The following SOX5 variants were observed in gnomAD, a reference collection of about 807,000 sequenced individuals.
The protein encoded by SOX5 is transcription factor SOX-5.
A neutral mutation model predicts 92.0 loss-of-function variants in SOX5; 9 were observed. The observed-to-expected ratio is 0.10, with a 90% CI of 0.06 to 0.17. The LOEUF is 0.17. Ranked by LOEUF, SOX5 falls within the 10% of genes least tolerant of loss-of-function variation. The probability of loss-of-function intolerance (pLI) is 1.00; values close to 1 mark genes in which losing one functional copy is unlikely to be tolerated. For missense variants in SOX5, 642 were observed against 944.5 expected (o/e 0.68, Z 4.20); for synonymous variants, 344 against 336.3 (o/e 1.02, Z -0.25).
intron 1 of SOX5, among the ~76,000 whole-genome samples, chr12:24,492,368 C>T (rs1270659236): frequency 1.3e-5 from 2 of 152,106 alleles, no homozygotes; most frequent in Non-Finnish European, 1.5e-5. Flanking sequence ...GCAAAAATAA[C>T]TATTTTCCCC....
chr12:24,076,973 T>C (rs74950141), intron 4 of SOX5, among the ~76,000 whole-genome samples: 7,473 of 152,260 alleles, frequency 0.049, 175 homozygotes, highest in Middle Eastern at 0.068. Context: ...TAAACAGTTA[T>C]ATCGTTTCCT....
At chr12:23,752,852 A>T (rs1567479973) in intron 4 of SOX5, among the ~76,000 whole-genome samples, 1 of 151,894 alleles carries the variant, frequency 6.6e-6, no homozygotes, top group Non-Finnish European at 1.5e-5. Flanking sequence ...CTTTTCAGTC[A>T]AACTGTTTTG....
At chr12:24,102,727 T>A (rs891022056) in intron 4 of SOX5, among the ~76,000 whole-genome samples, 2 of 152,218 alleles carry the variant, frequency 1.3e-5, no homozygotes, top group African/African-American at 4.8e-5. Context: ...CATTTGACAA[T>A]TTCCTATCTT....
At chr12:24,417,606 TG>T (rs1242396420) in intron 1 of SOX5, among the ~76,000 whole-genome samples, 1 of 152,110 alleles carries the variant, frequency 6.6e-6, no homozygotes, top group Non-Finnish European at 1.5e-5. Context: ...AACTGACAAA[TG>T]AACTGAACAG....
intron 2 of SOX5, among the ~76,000 whole-genome samples, chr12:24,340,827 G>A (rs1047709821): frequency 6.6e-6 from 1 of 152,164 alleles, no homozygotes; most frequent in African/African-American, 2.4e-5. Flanking sequence ...CCCAGCAAGG[G>A]AAGCCTAATT....
At chr12:24,096,899 A>G (rs759986273) in intron 4 of SOX5, among the ~76,000 whole-genome samples, 1 of 152,088 alleles carries the variant, frequency 6.6e-6, no homozygotes, top group Non-Finnish European at 1.5e-5. Flanking sequence ...ATAGAATTAG[A>G]ATTGCTATCC....
chr12:24,242,176 C>T (rs1010830649), intron 3 of SOX5, among the ~76,000 whole-genome samples: 1 of 152,138 alleles, frequency 6.6e-6, no homozygotes, highest in East Asian at 1.9e-4. Context: ...GTATTAATAA[C>T]ATTTGAAAAC....
chr12:23,848,863 C>T (rs931486905), intron 2 of SOX5, among the ~76,000 whole-genome samples: 2 of 152,176 alleles, frequency 1.3e-5, no homozygotes, highest in African/African-American at 2.4e-5. Flanking sequence ...TAAAAGAGGT[C>T]TCTAAACTTT....
At position 23,531,058 on chromosome 12, in the gene SOX5, C is replaced by CAGTA. The variant is rs965784399; in HGVS notation, c.*3157_*3160dup. On this transcript the variant is annotated 3_prime_UTR_variant, in exon 15 of 15. Coordinates refer to ENST00000451604, the MANE Select transcript of SOX5 (RefSeq NM_006940.6). The stretch of plus-strand genomic sequence containing the variant: ...ATGCCAAAAAGGCAATGTAGTAACA[C>CAGTA]AGTAAGTTGCTATTCATAGCACCTT... The CAGTA allele has an allele frequency of 2.6e-5, 4 of 152,168 alleles. No homozygotes were observed. The highest frequency in any genetic ancestry group is 9.6e-5 in the African/African-American group (4 of 41,518). The allele number at this position is 152,168 out of a possible 1,614,324, so 9.4% of individuals were successfully genotyped here.
At chr12:23,649,356 A>G (rs532282021) in intron 7 of SOX5, among the ~76,000 whole-genome samples, 29 of 152,128 alleles carry the variant, frequency 1.9e-4, no homozygotes, top group Non-Finnish European at 3.5e-4. Flanking sequence ...GTACTAAAAA[A>G]CATTACAACA....
rs537575661 is a variant in SOX5, at chr12:23,871,694, G to A, written c.270+24099C>T. On this transcript the variant is annotated intron_variant, in intron 2 of 14. Transcript: ENST00000451604. ...AAAATATTTTAAAATTATATTTTAT[G>A]ACTCCGTTGGTATAAAAACTAATAT... 1.7e-4 allele frequency among the ~76,000 whole-genome samples: 26 copies of A among 152,082 alleles called. No homozygotes were observed. In the South Asian group the frequency reaches 5.4e-3, roughly 32 times the overall value.
intron 6 of SOX5, among the ~76,000 whole-genome samples, chr12:23,727,881 T>C (rs2093220134): frequency 6.6e-6 from 1 of 152,198 alleles, no homozygotes; most frequent in Admixed American, 6.5e-5. Context: ...TTCTTAGCCA[T>C]GTAGCACGTG....
chr12:24,247,777 A>C (rs1440737960), intron 3 of SOX5, among the ~76,000 whole-genome samples: 1 of 147,826 alleles, frequency 6.8e-6, no homozygotes, highest in East Asian at 2.0e-4. Flanking sequence ...CAGCCTCTGG[A>C]GTAGCTGGGA....
At chr12:23,844,433 G>T (rs928319640) in intron 3 of SOX5, among the ~76,000 whole-genome samples, 1 of 151,916 alleles carries the variant, frequency 6.6e-6, no homozygotes, top group African/African-American at 2.4e-5. Flanking sequence ...ACATCCTAAG[G>T]TTAAGAATCC....
intron 9 of SOX5, chr12:23,582,078 T>C (rs972666682): frequency 5.9e-6 from 5 of 848,758 alleles, no homozygotes; most frequent in Non-Finnish European, 1.4e-6. Flanking sequence ...GCTATTATCC[T>C]CTCTGATGAA....
chr12:23,721,468 G>A (rs919302670), intron 6 of SOX5, among the ~76,000 whole-genome samples: 9 of 151,788 alleles, frequency 5.9e-5, no homozygotes, highest in East Asian at 1.9e-4. Flanking sequence ...TAGCTTATCC[G>A]AGAGCGTAAA....
intron 3 of SOX5, among the ~76,000 whole-genome samples, chr12:23,823,879 G>A (rs1226795823): frequency 6.6e-6 from 1 of 152,142 alleles, no homozygotes; most frequent in Admixed American, 6.5e-5. Context: ...TTCAATCTCT[G>A]ATAGCCTTTC....
At chr12:23,771,584 CAACT>C (rs911737986) in intron 3 of SOX5, among the ~76,000 whole-genome samples, 2 of 152,198 alleles carry the variant, frequency 1.3e-5, no homozygotes, top group African/African-American at 2.4e-5. Context: ...AGTATTCAAC[CAACT>C]GTTTTATCCT....
At chr12:24,559,901 T>C (rs1954166891) in intron 1 of SOX5, among the ~76,000 whole-genome samples, 1 of 152,208 alleles carries the variant, frequency 6.6e-6, no homozygotes, top group Admixed American at 6.5e-5. Context: ...AAATGCCTAG[T>C]TATTTACCAA....
Sources: gnomAD v4.1 joint callset for allele counts (sites outside exome capture counted in the v4.1 genomes callset) on GRCh38, gnomAD v4.1.1 for gene constraint, MANE v1.5 for transcripts, NCBI Gene and HGNC (gene_info 2026-07-23, HGNC 2026-07-21) for gene names.